The following CCDC68 variants were observed in gnomAD, a reference collection of about 807,000 sequenced individuals.
CCDC68 encodes the protein coiled-coil domain-containing protein 68.
A neutral mutation model predicts 47.1 loss-of-function variants in CCDC68; 45 were observed. The observed-to-expected ratio is 0.96, with a 90% confidence interval of 0.75 to 1.23. CCDC68 has a LOEUF of 1.23. Among genes scored for constraint, CCDC68 ranks in the 50% most tolerant of loss-of-function variants. The pLI, the probability that CCDC68 is intolerant of heterozygous loss-of-function variation, is 0.00. For synonymous variants in CCDC68, 131 were observed against 129.5 expected, an observed-to-expected ratio of 1.01 and a Z score of -0.08; for missense variants, 353 against 373.6, an observed-to-expected ratio of 0.94 and a Z score of 0.45.
chr18:54,920,074 T>C (rs1286409533), intron 8 of CCDC68, among the ~76,000 whole-genome samples: 1 of 152,104 alleles, frequency 6.6e-6, no homozygotes, highest in Non-Finnish European at 1.5e-5. Context: ...CTGGAATTGG[T>C]TGTACTGTTT....
At chr18:54,927,290 A>G (rs1343347518) in intron 8 of CCDC68, among the ~76,000 whole-genome samples, 1 of 152,228 alleles carries the variant, frequency 6.6e-6, no homozygotes, top group Admixed American at 6.5e-5. Flanking sequence ...CATTTTTCCC[A>G]AGAAATTTCT....
At chr18:54,918,180 G>A (rs902026236) in intron 9 of CCDC68, among the ~76,000 whole-genome samples, 184 bp from the exon 10 acceptor site, 2 of 152,228 alleles carry the variant, frequency 1.3e-5, no homozygotes, top group African/African-American at 4.8e-5. Context: ...GACACCTGGG[G>A]CTGAAAGCCC....
intron 4 of CCDC68, among the ~76,000 whole-genome samples, chr18:54,939,640 G>A (rs72928899): frequency 0.17 from 26,467 of 151,994 alleles, 2,848 homozygotes; most frequent in East Asian, 0.32. Context: ...ACACAGTGTC[G>A]TCACCATTCC....
chr18:54,945,466 A>C lies in CCDC68; in HGVS notation c.-91T>G, dbSNP rs1156958443. 1.3e-5 allele frequency: 2 copies of C among 152,172 alleles called. No individual in the cohort carries two copies. The highest frequency in any genetic ancestry group is 3.9e-4 in the East Asian group (2 of 5,190). 9.4% of individuals were successfully genotyped at this position (152,172 alleles called of 1,614,324 possible). A position where few individuals can be genotyped will look rare whatever the true frequency, so the allele number is the denominator to read the frequency against. ...GTTCAGAGATGTTTCCATCATATTA[A>C]GACTGGCTTCCCTGGAGAGAAACAA... On this transcript the variant is annotated 5_prime_UTR_variant, in exon 2 of 12. Transcript: ENST00000591504.
intron 10 of CCDC68, among the ~76,000 whole-genome samples, chr18:54,912,743 G>A (rs1245076246): frequency 6.6e-6 from 1 of 152,100 alleles, no homozygotes; most frequent in Non-Finnish European, 1.5e-5. Context: ...GACGTTTAAT[G>A]GACTCACAGT....
At chr18:54,909,590 T>C (rs1914229193) in intron 10 of CCDC68, among the ~76,000 whole-genome samples, 1 of 152,232 alleles carries the variant, frequency 6.6e-6, no homozygotes, top group Non-Finnish European at 1.5e-5. Context: ...GTCTCATGCC[T>C]GTCAAGGGCG....
intron 1 of CCDC68, among the ~76,000 whole-genome samples, chr18:54,952,807 G>C (rs991119902): frequency 4.6e-5 from 7 of 152,208 alleles, no homozygotes; most frequent in African/African-American, 7.2e-5. Flanking sequence ...GAGGTCAGGA[G>C]ATCGAGAGCA....
At chr18:54,918,033 A>T (rs1255265618) in intron 9 of CCDC68, 37 bp from the exon 10 acceptor site, 1 of 877,290 alleles carries the variant, frequency 1.1e-6, no homozygotes, top group Non-Finnish European at 1.8e-6. Context: ...AAACCTTGTC[A>T]GACCACAGGA....
chr18:54,949,047 T>A (rs377351217), intron 1 of CCDC68, among the ~76,000 whole-genome samples: 159 of 152,326 alleles, frequency 1.0e-3, no homozygotes, highest in African/African-American at 3.8e-3. Flanking sequence ...AGGTTTGAGT[T>A]AAGTGGCGTG....
At chr18:54,947,779 A>G (rs911090960) in intron 1 of CCDC68, among the ~76,000 whole-genome samples, 2 of 152,226 alleles carry the variant, frequency 1.3e-5, no homozygotes, top group Non-Finnish European at 2.9e-5. Context: ...AGCAGGTTAT[A>G]TTTTAAATAA....
intron 10 of CCDC68, 146 bp downstream of exon 10, chr18:54,917,767 C>T (rs915677542): frequency 9.4e-6 from 6 of 636,532 alleles, no homozygotes; most frequent in Admixed American, 3.3e-5. Flanking sequence ...CAGACATACT[C>T]GTAGTGTTAT....
intron 8 of CCDC68, among the ~76,000 whole-genome samples, chr18:54,924,016 T>C (rs567617795): frequency 2.6e-5 from 4 of 151,884 alleles, no homozygotes; most frequent in Admixed American, 6.6e-5. Flanking sequence ...AATAAAGAGG[T>C]ACACAAGCAA....
At chr18:54,954,374 C>T (rs1230687924) in intron 1 of CCDC68, 3 of 151,926 alleles carry the variant, frequency 2.0e-5, no homozygotes, top group Admixed American at 6.6e-5. Flanking sequence ...TACTTTTTAT[C>T]AACACCATCG....
intron 1 of CCDC68, among the ~76,000 whole-genome samples, chr18:54,949,937 A>G (rs1297301417): frequency 1.3e-5 from 2 of 152,234 alleles, no homozygotes; most frequent in Admixed American, 6.5e-5. Flanking sequence ...GGCAGTATCC[A>G]GTGGCCAGTG....
intron 11 of CCDC68, 38 bp downstream of exon 11, chr18:54,907,748 G>A (rs749204089): frequency 1.8e-6 from 2 of 1,122,592 alleles, no homozygotes; most frequent in Middle Eastern, 2.0e-4. Flanking sequence ...GTTCAACATA[G>A]GTTGTGAAGA....
intron 1 of CCDC68, among the ~76,000 whole-genome samples, chr18:54,949,736 T>A (rs887088700): frequency 2.0e-5 from 3 of 152,154 alleles, no homozygotes; most frequent in African/African-American, 4.8e-5. Flanking sequence ...TCATGCTCAC[T>A]CCCTGGAGCT....
intron 10 of CCDC68, among the ~76,000 whole-genome samples, chr18:54,914,162 A>G (rs1306081085): frequency 6.6e-6 from 1 of 152,274 alleles, no homozygotes; most frequent in Non-Finnish European, 1.5e-5. Flanking sequence ...TTGAATAAAT[A>G]AATTAATATG....
rs972867498 is a variant in CCDC68 at position 54,904,222 on chromosome 18, T to C, written c.*136A>G. ...TTTGATTTTCTGAAATGTCATCTTC[T>C]TGCAAAGCCATTGGTATGTAATAAG... On this transcript the variant is annotated 3_prime_UTR_variant, in exon 12 of 12. Transcript: ENST00000591504. 1 of 643,108 alleles carries C rather than the reference T, an allele frequency of 1.6e-6. No homozygotes were observed. Among genetic ancestry groups the C allele is most frequent in the Non-Finnish European group, 2.8e-6 (1 of 363,620 alleles). 39.8% of individuals were successfully genotyped at this position (643,108 alleles called of 1,614,324 possible).
At chr18:54,951,061 A>C (rs1441179821) in intron 1 of CCDC68, among the ~76,000 whole-genome samples, 2 of 149,118 alleles carry the variant, frequency 1.3e-5, no homozygotes, top group African/African-American at 2.5e-5. Flanking sequence ...GGCGCCCGCT[A>C]CCACGCCCGG....
Sources: allele counts gnomAD v4.1 joint callset (sites outside exome capture counted in the v4.1 genomes callset), GRCh38; gene constraint gnomAD v4.1.1; transcripts MANE v1.5; gene names NCBI Gene and HGNC (gene_info 2026-07-23, HGNC 2026-07-21).